LAMC2: variants seen among roughly 807,000 people sequenced by gnomAD.
LAMC2 encodes laminin subunit gamma-2.
Under a neutral mutation model 140.2 loss-of-function variants are expected in LAMC2, and 97 were observed. The ratio of observed to expected loss-of-function variants is 0.69; its 90% CI spans 0.59 to 0.82. The LOEUF (loss-of-function observed/expected upper bound fraction) is 0.82, where lower values mean the gene tolerates loss of function less well. LAMC2 is among the 40% of genes least tolerant of loss of function. The probability of loss-of-function intolerance (pLI) is 0.00; values close to 1 mark genes in which losing one functional copy is unlikely to be tolerated. For missense variants in LAMC2, 1,402 were observed against 1,476.1 expected (o/e 0.95, Z 0.82); for synonymous variants, 513 against 540.2 (o/e 0.95, Z 0.70).
Position 183,231,587 on chromosome 1 carries a change from T to C in LAMC2, c.1857+484T>C, listed in dbSNP as rs143425604. Among the ~76,000 whole-genome samples the C allele has an allele frequency of 2.8e-4, 42 of 152,298 alleles. No individual in the cohort carries two copies. The East Asian group carries it at 7.9e-3, about 29-fold the overall frequency. ...TGAAGAAAAACATAAACATAAAAGA[T>C]ATCAGGAGTCCAGAAAGTATCAAGG... On this transcript the variant is annotated intron_variant, in intron 12 of 22. Transcript: ENST00000264144.
chr1:183,239,244 C>T (rs190693939), intron 19 of LAMC2, 120 bp from the exon 20 acceptor site: 28 of 909,166 alleles, frequency 3.1e-5, no homozygotes, highest in East Asian at 2.4e-4. Context: ...CTTCCCACAC[C>T]GTCATCCCCA....
the LAMC2 span, chr1:183,252,642 T>C: frequency 6.2e-7 from 1 of 1,611,186 alleles, no homozygotes; most frequent in Non-Finnish European, 8.5e-7. Context: ...GAGGGGCTGC[T>C]AGCCGGAGGC....
intron 12 of LAMC2, 39 bp downstream of exon 12, chr1:183,231,142 A>C: frequency 6.2e-7 from 1 of 1,613,070 alleles, no homozygotes; most frequent in Non-Finnish European, 8.5e-7. Flanking sequence ...ACCCCACAGA[A>C]TCAAATCCTT....
intron 18 of LAMC2, 25 bp from the exon 19 acceptor site, chr1:183,238,282 T>C: frequency 1.3e-6 from 2 of 1,556,112 alleles, no homozygotes; most frequent in East Asian, 4.5e-5. Flanking sequence ...CTTCCTCTAA[T>C]CTTGTTCTAT....
At chr1:183,239,325 T>G in intron 19 of LAMC2, 39 bp from the exon 20 acceptor site, 1 of 1,593,096 alleles carries the variant, frequency 6.3e-7, no homozygotes, top group African/African-American at 1.3e-5. Flanking sequence ...GTAAATTTGC[T>G]TTCATCTTCA....
the LAMC2 span, among the ~76,000 whole-genome samples, chr1:183,257,066 A>G: frequency 4.0e-5 from 6 of 151,690 alleles, no homozygotes; most frequent in Admixed American, 2.6e-4. Context: ...TGGTGTCTTT[A>G]TCTGGCTTAG....
chr1:183,253,514 C>T, the LAMC2 span, among the ~76,000 whole-genome samples: 3 of 152,220 alleles, frequency 2.0e-5, no homozygotes, highest in African/African-American at 4.8e-5. Flanking sequence ...CCTCATGTCA[C>T]ACATTAGATC....
At chr1:183,196,088 T>G (rs1204546273) in intron 1 of LAMC2, among the ~76,000 whole-genome samples, 1 of 152,232 alleles carries the variant, frequency 6.6e-6, no homozygotes, top group Admixed American at 6.5e-5. Flanking sequence ...TTAGATTGCA[T>G]ACATAATATG....
At chr1:183,253,904 CGT>C in the LAMC2 span, among the ~76,000 whole-genome samples, 24,785 of 143,998 alleles carry the variant, frequency 0.17, 1,918 homozygotes, top group East Asian at 0.22. Flanking sequence ...GTTCCACTTC[CGT>C]GTGTGTGTGT....
rs886045645 is a variant in LAMC2, at chr1:183,245,074, T to A, written c.*1674T>A. Among the ~76,000 whole-genome samples the A allele has an allele frequency of 2.0e-5, 3 of 152,198 alleles. No individual in the cohort carries two copies. The highest frequency in any genetic ancestry group is 4.8e-5 in the African/African-American group (2 of 41,448). ...CATACAGGATTGATGATGCTGTCAATGAGATTTTTATGAGGTTTAACTGAT... is the reference window on the plus strand; with the variant it reads ...CATACAGGATTGATGATGCTGTCAAAGAGATTTTTATGAGGTTTAACTGAT... On this transcript the variant is annotated 3_prime_UTR_variant, in exon 23 of 23. Transcript: ENST00000264144.
intron 4 of LAMC2, among the ~76,000 whole-genome samples, chr1:183,219,708 C>G (rs776847707): frequency 1.6e-4 from 24 of 152,072 alleles, no homozygotes; most frequent in Non-Finnish European, 2.1e-4. Context: ...ATTCTTTTAA[C>G]TCTTGCTCTT....
intron 2 of LAMC2, among the ~76,000 whole-genome samples, chr1:183,210,754 GACA>G (rs1659045689): frequency 6.6e-6 from 1 of 152,180 alleles, no homozygotes; most frequent in Non-Finnish European, 1.5e-5. Context: ...ATAACAGTCT[GACA>G]ACAATGTGTT....
intron 22 of LAMC2, chr1:183,240,655 A>T: frequency 7.3e-7 from 1 of 1,377,480 alleles, no homozygotes; most frequent in Non-Finnish European, 9.4e-7. Flanking sequence ...GGTGTATATA[A>T]GCAACTTCAC....
At chr1:183,203,375 G>T (rs1469695747) in intron 1 of LAMC2, among the ~76,000 whole-genome samples, 1 of 152,120 alleles carries the variant, frequency 6.6e-6, no homozygotes, top group Non-Finnish European at 1.5e-5. Context: ...GGCAGGTATT[G>T]GTCACAGAAT....
chr1:183,234,349 A>C lies in LAMC2; in HGVS notation c.2221-18A>C, dbSNP rs751409039. 1 of 1,607,794 alleles carries C rather than the reference A, an allele frequency of 6.2e-7. No individual in the cohort carries two copies. Among genetic ancestry groups the C allele is most frequent in the South Asian group, 1.1e-5 (1 of 90,916 alleles). ...AGCCTTAACCGATTCGCCTTAACCG[A>C]TTCTCCTTTTCCCACAGAACATTCC... On this transcript the variant is annotated intron_variant, in intron 14 of 22. Coordinates refer to ENST00000264144, the MANE Select transcript of LAMC2 (RefSeq NM_005562.3).
intron 1 of LAMC2, among the ~76,000 whole-genome samples, chr1:183,205,804 T>G (rs930420546): frequency 4.7e-5 from 7 of 150,360 alleles, no homozygotes; most frequent in African/African-American, 1.7e-4. Context: ...AGAGTAGGGG[T>G]GTGTGTGTGT....
intron 1 of LAMC2, among the ~76,000 whole-genome samples, chr1:183,187,867 G>A (rs1658202646): frequency 6.6e-6 from 1 of 152,162 alleles, no homozygotes; most frequent in Non-Finnish European, 1.5e-5. Context: ...CTTGATCCAG[G>A]GGCTCTTAGG....
Position 183,239,178 on chromosome 1 carries a change from C to T in LAMC2, c.2870-186C>T, listed in dbSNP as rs1055124607. On this transcript the variant is annotated intron_variant, in intron 19 of 22. Coordinates refer to ENST00000264144, the MANE Select transcript of LAMC2 (RefSeq NM_005562.3). ...GCTGATTGTCGGTTTCTCTAAGCAA[C>T]GGAGTAATTATAACCCCTCCAATGC... Among the ~76,000 whole-genome samples the T allele has an allele frequency of 3.3e-5, 5 of 152,242 alleles. No individual in the cohort carries two copies. In the East Asian group the frequency reaches 9.6e-4, roughly 29 times the overall value.
chr1:183,252,871 T>C, the LAMC2 span: 1 of 665,688 alleles, frequency 1.5e-6, no homozygotes, highest in Admixed American at 2.4e-5. Flanking sequence ...AGTTCTGTAT[T>C]AGGAAAGGCC....
Sources: gnomAD v4.1 joint callset for allele counts (sites outside exome capture counted in the v4.1 genomes callset) on GRCh38, gnomAD v4.1.1 for gene constraint, MANE v1.5 for transcripts, NCBI Gene and HGNC (gene_info 2026-07-23, HGNC 2026-07-21) for gene names.